TMEM40: variants seen among roughly 807,000 people sequenced by gnomAD.
TMEM40 encodes the protein transmembrane protein 40.
A neutral mutation model predicts 40.8 loss-of-function variants in TMEM40; 34 were observed. The ratio of observed to expected loss-of-function variants is 0.83; its 90% CI spans 0.63 to 1.11. TMEM40 has a LOEUF of 1.11. Among genes scored for constraint, TMEM40 ranks in the 50% least tolerant of loss-of-function variants. TMEM40 has a pLI of 0.00. For missense variants in TMEM40, 296 were observed against 280.2 expected (o/e 1.06, Z -0.40); for synonymous variants, 106 against 107.0 (o/e 0.99, Z 0.06).
chr3:12,745,885 TCTTTTTCTTTTG>T (rs1244706230), intron 3 of TMEM40, among the ~76,000 whole-genome samples: 6 of 150,978 alleles, frequency 4.0e-5, no homozygotes, highest in Non-Finnish European at 7.4e-5. Flanking sequence ...ACACCTCTTT[TCTTTTTCTTTTG>T]CTTTTTCTTT....
intron 1 of TMEM40, among the ~76,000 whole-genome samples, chr3:12,765,698 T>C (rs1233203127): frequency 6.6e-6 from 1 of 151,102 alleles, no homozygotes; most frequent in African/African-American, 2.4e-5. Context: ...GCCTCCTGAG[T>C]AGCTGGGACT....
rs1027863157 is a variant in TMEM40 at position 12,737,901 on chromosome 3, G to C, written c.425-147C>G. 1.2e-5 allele frequency: 11 copies of C among 947,956 alleles called. No homozygotes were observed. In the African/African-American group the frequency reaches 1.8e-4, roughly 16 times the overall value. 58.7% of individuals were successfully genotyped at this position (947,956 alleles called of 1,614,324 possible). On this transcript the variant is annotated intron_variant, in intron 7 of 11. Transcript: ENST00000314124. ...ACTGCAGGACCAGTCAAACTGTGAAGATGGGGGTACTGTCCTTGGAACCCC... is the reference window on the plus strand; with the variant it reads ...ACTGCAGGACCAGTCAAACTGTGAACATGGGGGTACTGTCCTTGGAACCCC...
rs1012013287 is a variant in TMEM40, at chr3:12,764,280, T to C, written c.-9+4971A>G. Among the ~76,000 whole-genome samples the C allele has an allele frequency of 5.9e-5, 9 of 152,292 alleles. No individual in the cohort carries two copies. In the South Asian group the frequency reaches 1.2e-3, roughly 21 times the overall value. ...CACCTGTCTTAGTCATCTTAAAGCA[T>C]CTATTAAATTAACTCTAAATTGGAG... On this transcript the variant is annotated intron_variant, in intron 1 of 11. Coordinates refer to the TMEM40 transcript ENST00000264728.
chr3:12,756,778 C>CCTCT (rs10644374), intron 1 of TMEM40, among the ~76,000 whole-genome samples: 5 of 150,538 alleles, frequency 3.3e-5, no homozygotes, highest in African/African-American at 9.8e-5. Context: ...TACCCACCTC[C>CCTCT]CTCTCTCTCT....
intron 3 of TMEM40, among the ~76,000 whole-genome samples, chr3:12,746,860 C>T (rs1335752209): frequency 6.6e-6 from 1 of 152,082 alleles, no homozygotes; most frequent in Non-Finnish European, 1.5e-5. Flanking sequence ...GAGCAGCACT[C>T]CTTGAGAGAC....
chr3:12,764,386 G>A (rs191538082), intron 1 of TMEM40, among the ~76,000 whole-genome samples: 13 of 152,136 alleles, frequency 8.5e-5, no homozygotes, highest in African/African-American at 2.9e-4. Flanking sequence ...TGGCTGGGAA[G>A]TGGCTGCGTC....
upstream of TMEM40, among the ~76,000 whole-genome samples, chr3:12,762,346 T>C (rs2061575319): frequency 6.6e-6 from 1 of 152,224 alleles, no homozygotes; most frequent in South Asian, 2.1e-4. Flanking sequence ...TTTTTTTAAA[T>C]TTTAAGTTTT....
upstream of TMEM40, among the ~76,000 whole-genome samples, chr3:12,762,276 A>C (rs981992395): frequency 7.9e-5 from 12 of 152,228 alleles, no homozygotes; most frequent in African/African-American, 2.9e-4. Context: ...TGGTCTGGAT[A>C]TATTATTAAA....
At chr3:12,768,298 A>G (rs1478607209) in intron 1 of TMEM40, among the ~76,000 whole-genome samples, 1 of 152,130 alleles carries the variant, frequency 6.6e-6, no homozygotes, top group Non-Finnish European at 1.5e-5. Flanking sequence ...AAAGAGCAAA[A>G]CAACAAAGCT....
chr3:12,735,732 G>A (rs2061332636), intron 10 of TMEM40, 115 bp from the exon 11 acceptor site: 2 of 815,602 alleles, frequency 2.5e-6, no homozygotes, highest in African/African-American at 1.7e-5. Flanking sequence ...TGGAACTTCA[G>A]GCAGCAGGTT....
At chr3:12,740,382 G>T (rs1271741021) in intron 5 of TMEM40, among the ~76,000 whole-genome samples, 2 of 151,164 alleles carry the variant, frequency 1.3e-5, no homozygotes, top group Non-Finnish European at 2.9e-5. Context: ...GAGCCACAGC[G>T]CCTGGCCACA....
At chr3:12,763,988 T>C (rs2061583907), upstream of TMEM40, among the ~76,000 whole-genome samples, 1 of 152,166 alleles carries the variant, frequency 6.6e-6, no homozygotes, top group South Asian at 2.1e-4. Flanking sequence ...TGATTTCGGC[T>C]CACTGCAGCC....
At chr3:12,749,683 T>C in intron 2 of TMEM40, 77 bp downstream of exon 2, 1 of 1,338,894 alleles carries the variant, frequency 7.5e-7, no homozygotes, top group Non-Finnish European at 1.1e-6. Context: ...TTGAGCAGGG[T>C]CTTCTTCTGT....
rs1000147868 is a variant in TMEM40, at chr3:12,733,762, T to G, written c.*1012A>C. The G allele has an allele frequency of 2.0e-5, 3 of 152,074 alleles. No homozygotes were observed. Among genetic ancestry groups the G allele is most frequent in the African/African-American group, 7.3e-5 (3 of 41,374 alleles). The allele number at this position is 152,074 out of a possible 1,614,324, so 9.4% of individuals were successfully genotyped here. The stretch of plus-strand genomic sequence containing the variant: ...ACAATGTATTGTATACTTTGCAAAT[T>G]GCTGACAGTAGGTTTTTACTGTTCT... On this transcript the variant is annotated 3_prime_UTR_variant, in exon 12 of 12. Transcript: ENST00000314124.
intron 3 of TMEM40, among the ~76,000 whole-genome samples, chr3:12,744,870 G>C (rs1021719580): frequency 6.6e-6 from 1 of 152,300 alleles, no homozygotes; most frequent in East Asian, 1.9e-4. Context: ...TGGATAAGGA[G>C]GAAGAGGGAT....
chr3:12,734,009 G>C lies in TMEM40; in HGVS notation c.*765C>G, dbSNP rs1047331885. 5.3e-5 allele frequency: 8 copies of C among 151,342 alleles called. No homozygotes were observed. 9.4% of individuals were successfully genotyped at this position (151,342 alleles called of 1,614,324 possible). A position where few individuals can be genotyped will look rare whatever the true frequency, so the allele number is the denominator to read the frequency against. The stretch of plus-strand genomic sequence containing the variant: ...AGCCCTGAACTCCTGGGCTCAAGCA[G>C]TCCTCCTGCCTCAGCCTCTTGAGTA... On this transcript the variant is annotated 3_prime_UTR_variant, in exon 12 of 12. Coordinates refer to ENST00000314124, the MANE Select transcript of TMEM40 (RefSeq NM_018306.4).
At chr3:12,758,278 C>G (rs748369587) in intron 1 of TMEM40, among the ~76,000 whole-genome samples, 15 of 152,192 alleles carry the variant, frequency 9.9e-5, no homozygotes, top group Non-Finnish European at 1.9e-4. Context: ...CTTGAGTTCA[C>G]TCCCCACCAC....
rs749619163 is a variant in TMEM40 at position 12,737,747 on chromosome 3, C to T, written c.432G>A (p.Val144=). ...TCAGTCTTCTTAACTGAGAGGCCTCCACTTCTCCTTAAGAACAAGAGAGAG... is the reference window on the plus strand; with the variant it reads ...TCAGTCTTCTTAACTGAGAGGCCTCTACTTCTCCTTAAGAACAAGAGAGAG... ...RRGSDPASGE[V]EASQLRRLNI... Residue 144 remains valine, a synonymous_variant, in exon 8 of 12, where the codon GTG becomes GTA. Transcript: ENST00000314124. The T allele has an allele frequency of 6.2e-6, 10 of 1,613,860 alleles. No homozygotes were observed. In the African/African-American group the frequency reaches 1.1e-4, roughly 17 times the overall value.
intron 1 of TMEM40, among the ~76,000 whole-genome samples, chr3:12,754,654 C>A (rs1392727780): frequency 6.6e-6 from 1 of 152,186 alleles, no homozygotes; most frequent in Non-Finnish European, 1.5e-5. Context: ...GGGTTTACTC[C>A]TGGGTCCTGC....
Sources: allele counts gnomAD v4.1 joint callset (sites outside exome capture counted in the v4.1 genomes callset), GRCh38; gene constraint gnomAD v4.1.1; transcripts MANE v1.5; gene names NCBI Gene and HGNC (gene_info 2026-07-23, HGNC 2026-07-21).